The following CCDC141 variants were observed in gnomAD, a reference collection of about 807,000 sequenced individuals.
CCDC141 encodes the protein coiled-coil domain-containing protein 141.
A neutral mutation model predicts 181.0 loss-of-function variants in CCDC141; 168 were observed. The ratio of observed to expected loss-of-function variants is 0.93; its 90% CI spans 0.82 to 1.05. The LOEUF (loss-of-function observed/expected upper bound fraction) is 1.05. CCDC141 is among the 50% of genes least tolerant of loss of function. The pLI is 0.00. For missense variants in CCDC141, 1,902 were observed against 1,788.5 expected, an observed-to-expected ratio of 1.06 and a Z score of -1.14; for synonymous variants, 666 against 642.3, an observed-to-expected ratio of 1.04 and a Z score of -0.56.
chr2:178,961,146 G>A (rs1222067111), intron 5 of CCDC141, 84 bp downstream of exon 5: 87 of 1,430,420 alleles, frequency 6.1e-5, no homozygotes, highest in Non-Finnish European at 7.8e-5. Flanking sequence ...CATGAAGACT[G>A]ACAAACTGCC....
chr2:178,997,762 A>T (rs1692353457), intron 2 of CCDC141, among the ~76,000 whole-genome samples: 1 of 152,092 alleles, frequency 6.6e-6, no homozygotes. Context: ...TCTCTCTCTC[A>T]CTTCCTGTTT....
intron 1 of CCDC141, among the ~76,000 whole-genome samples, chr2:179,048,066 A>G (rs563975605): frequency 2.0e-4 from 31 of 152,248 alleles, no homozygotes; most frequent in Admixed American, 1.9e-3. Context: ...CTTTCCACAC[A>G]AGATTTACAC....
At chr2:178,849,497 C>G (rs553229341) in intron 21 of CCDC141, among the ~76,000 whole-genome samples, 16 of 152,280 alleles carry the variant, frequency 1.1e-4, no homozygotes, top group South Asian at 2.1e-4. Context: ...ATGACATTGA[C>G]AAAGAAACAT....
rs369418999 is a variant in CCDC141, at chr2:178,837,340, C to G, written c.3879G>C (p.Gln1293His). The G allele has an allele frequency of 4.5e-5, 72 of 1,613,986 alleles. No individual in the cohort carries two copies. Among genetic ancestry groups the G allele is most frequent in the Non-Finnish European group, 5.9e-5 (70 of 1,179,986 alleles). Residue 1293 changes from glutamine (Q) to histidine (H), a missense_variant, in exon 23 of 24, where the codon CAG becomes CAC. By Grantham distance (24) the Gln-to-His change is conservative. Transcript: ENST00000443758. ...AGGTTAGTGGGGGCTCAGCTTTGAACTGGAGGTAAGGCCTCTCAAAATGAC... is the reference window on the plus strand; with the variant it reads ...AGGTTAGTGGGGGCTCAGCTTTGAAGTGGAGGTAAGGCCTCTCAAAATGAC... ...FSSHFERPYLQFKAEPPLTSR... is the reference protein window; with the variant it reads ...FSSHFERPYLHFKAEPPLTSR...
At chr2:179,010,576 A>T (rs1454548573) in intron 2 of CCDC141, among the ~76,000 whole-genome samples, 2 of 152,160 alleles carry the variant, frequency 1.3e-5, no homozygotes, top group Non-Finnish European at 2.9e-5. Flanking sequence ...GGAAAGATAC[A>T]GTCTTTTTCA....
the CCDC141 span, among the ~76,000 whole-genome samples, chr2:178,816,217 T>A: frequency 6.6e-6 from 1 of 152,198 alleles, no homozygotes; most frequent in Non-Finnish European, 1.5e-5. Context: ...CTTCTCTCCC[T>A]AAAGCCTGGC....
At chr2:178,823,385 G>T in the CCDC141 span, among the ~76,000 whole-genome samples, 1 of 152,042 alleles carries the variant, frequency 6.6e-6, no homozygotes, top group African/African-American at 2.4e-5. Context: ...TTGTTTCCAG[G>T]TATTTAGTAG....
chr2:178,846,804 G>T (rs948598060), intron 21 of CCDC141, among the ~76,000 whole-genome samples: 1 of 151,860 alleles, frequency 6.6e-6, no homozygotes, highest in African/African-American at 2.4e-5. Flanking sequence ...CCTTCTTTTC[G>T]TCTCAACATT....
intron 2 of CCDC141, among the ~76,000 whole-genome samples, chr2:179,023,135 C>T (rs2042734923): frequency 1.3e-5 from 2 of 152,122 alleles, no homozygotes; most frequent in South Asian, 4.1e-4. Context: ...TGTATATACA[C>T]ACTTGTGTAT....
rs1686812447 is a variant in CCDC141 at position 178,885,022 on chromosome 2, A to G, written c.1598T>C (p.Met533Thr). 1 of 1,550,370 alleles carries G rather than the reference A, an allele frequency of 6.5e-7. No homozygotes were observed. The stretch of plus-strand genomic sequence containing the variant: ...TCTAGCTTTAGAGGAAAGTGATACC[A>G]TTTCATCAGATACAAATTCATTTTT... ...MEKNEFVSDEMVSLSSKARWL... is the reference protein window; with the variant it reads ...MEKNEFVSDETVSLSSKARWL... The change falls in exon 11 of 24, where the codon ATG becomes ACG. Residue 533 changes from methionine to threonine, a missense_variant. Physicochemically the swap from Met to Thr is moderately conservative, Grantham distance 81. Transcript: ENST00000443758.
rs750613132 is a variant in CCDC141 at position 178,853,625 on chromosome 2, C to T, written c.3061-1G>A. ...TTGCATCTTCGTACCAAAAATGACA[C>T]TAAATTTAAATGGGATAAAGCACAG... is the stretch of plus-strand genomic sequence containing the variant. On this transcript the variant is annotated splice_acceptor_variant, in intron 19 of 23. Transcript: ENST00000443758. LOFTEE classifies it high-confidence loss of function. The T allele has an allele frequency of 1.9e-6, 3 of 1,610,706 alleles. No individual in the cohort carries two copies. The highest frequency in any genetic ancestry group is 2.2e-5 in the South Asian group (2 of 90,794).
chr2:179,040,536 C>T (rs2043267993), intron 2 of CCDC141, among the ~76,000 whole-genome samples: 1 of 152,158 alleles, frequency 6.6e-6, no homozygotes, highest in Non-Finnish European at 1.5e-5. Flanking sequence ...CCTCCTCCCA[C>T]CTCCCACCCT....
In CCDC141 at chr2:178,850,145, C is replaced by A. The variant is rs1316982483; in HGVS notation, c.3261G>T (p.Gln1087His). ...AQHLYGLEEGQKYIEKIVTKH... is the reference protein window; with the variant it reads ...AQHLYGLEEGHKYIEKIVTKH... ...TTGTCACTATTTTCTCAATATATTTCTGTCCTTCTTCCAAACCTGGGGAGG... is the reference window on the plus strand; with the variant it reads ...TTGTCACTATTTTCTCAATATATTTATGTCCTTCTTCCAAACCTGGGGAGG... The change falls in exon 21 of 24, where the codon CAG becomes CAT. Residue 1087 changes from glutamine (Q) to histidine (H), a missense_variant. Coordinates refer to ENST00000443758, the MANE Select transcript of CCDC141 (RefSeq NM_173648.4). 4.4e-6 allele frequency: 7 copies of A among 1,602,776 alleles called. No individual in the cohort carries two copies. In the Admixed American group the frequency reaches 6.8e-5, roughly 15 times the overall value.
intron 22 of CCDC141, among the ~76,000 whole-genome samples, chr2:178,838,149 C>G (rs1684568894): frequency 6.6e-6 from 1 of 152,218 alleles, no homozygotes; most frequent in Admixed American, 6.5e-5. Flanking sequence ...TGCTGACCAT[C>G]AGAGACTCCC....
chr2:178,982,982 C>A (rs1342622050), intron 2 of CCDC141, among the ~76,000 whole-genome samples: 2 of 152,218 alleles, frequency 1.3e-5, no homozygotes, highest in African/African-American at 4.8e-5. Flanking sequence ...GGAGGCCTGC[C>A]TGCCTCTGTA....
intron 6 of CCDC141, among the ~76,000 whole-genome samples, chr2:178,920,616 G>A (rs912627691): frequency 4.0e-5 from 6 of 151,836 alleles, no homozygotes; most frequent in Non-Finnish European, 7.4e-5. Flanking sequence ...CCAGCTACTC[G>A]GTGGGGCTGA....
chr2:179,044,187 CTCG>C, intron 2 of CCDC141, among the ~76,000 whole-genome samples: 1 of 152,318 alleles, frequency 6.6e-6, no homozygotes, highest in Admixed American at 6.5e-5. Context: ...ACATTCCATG[CTCG>C]TGGATAGGAA....
At chr2:179,036,532 A>G (rs766162598) in intron 2 of CCDC141, among the ~76,000 whole-genome samples, 1 of 152,246 alleles carries the variant, frequency 6.6e-6, no homozygotes, top group Non-Finnish European at 1.5e-5. Context: ...CTGGAAATGA[A>G]CCAGGGAAAG....
In CCDC141 at chr2:178,888,414, T is replaced by A. The variant is rs1686987781; in HGVS notation, c.1407+113A>T. 4 of 912,130 alleles carry A rather than the reference T, an allele frequency of 4.4e-6. No individual in the cohort carries two copies. In the Admixed American group the frequency reaches 8.8e-5, roughly 20 times the overall value. The allele number at this position is 912,130 out of a possible 1,614,324, so 56.5% of individuals were successfully genotyped here. On this transcript the variant is annotated intron_variant, in intron 9 of 23. Coordinates refer to ENST00000443758, the MANE Select transcript of CCDC141 (RefSeq NM_173648.4). Reference sequence around the variant, plus strand: ...CAATTAAAGGACCCAATGTGGTACATAAGGGCAGCCTAAGGAGACATGCCC... The same window carrying A: ...CAATTAAAGGACCCAATGTGGTACAAAAGGGCAGCCTAAGGAGACATGCCC...
Sources: gnomAD v4.1 joint callset for allele counts (sites outside exome capture counted in the v4.1 genomes callset) on GRCh38, gnomAD v4.1.1 for gene constraint, MANE v1.5 for transcripts, NCBI Gene and HGNC (gene_info 2026-07-23, HGNC 2026-07-21) for gene names.